The following INSL6 variants were observed in gnomAD, a reference collection of about 807,000 sequenced individuals.
INSL6 encodes the protein insulin like 6, also known as insulin-like peptide INSL6.
Under a neutral mutation model 9.4 loss-of-function variants are expected in INSL6, and 16 were observed. That is an observed-to-expected ratio of 1.70 (90% CI 1.15 to 2.59). The LOEUF is 2.59. Ranked by LOEUF, INSL6 falls within the 30% of genes most tolerant of loss-of-function variation. The pLI, the probability that INSL6 is intolerant of heterozygous loss-of-function variation, is 0.00. For missense variants in INSL6, 391 were observed against 257.3 expected (o/e 1.52, Z -3.56); for synonymous variants, 154 against 96.9 (o/e 1.59, Z -3.46).
chr9:5,030,104 C>G, the INSL6 span, among the ~76,000 whole-genome samples: 4 of 152,114 alleles, frequency 2.6e-5, no homozygotes, highest in African/African-American at 9.7e-5. Context: ...GTAGAATACT[C>G]TGAGAATAAA....
the INSL6 span, among the ~76,000 whole-genome samples, chr9:5,006,125 A>C: frequency 3.3e-5 from 5 of 152,196 alleles, no homozygotes; most frequent in South Asian, 1.0e-3. Context: ...CCTACCCATG[A>C]GCATGGAATG....
the INSL6 span, among the ~76,000 whole-genome samples, chr9:5,012,799 T>A: frequency 4.2e-4 from 64 of 152,152 alleles, no homozygotes; most frequent in Admixed American, 1.7e-3. Flanking sequence ...TATGATGAGG[T>A]TGGAGAGGTA....
chr9:5,185,421 A>C lies in INSL6; in HGVS notation c.182T>G (p.Phe61Cys), dbSNP rs749369990. 3 of 1,614,138 alleles carry C rather than the reference A, an allele frequency of 1.9e-6. No homozygotes were observed. In the Admixed American group the frequency reaches 5.0e-5, roughly 27 times the overall value. The change falls in exon 1 of 2, where the codon TTC (phenylalanine) becomes TGC (cysteine). Residue 61 changes from phenylalanine (F) to cysteine (C), a missense_variant. Coordinates refer to ENST00000381641, the MANE Select transcript of INSL6 (RefSeq NM_007179.3). Reference protein sequence around the residue: ...SQFRFEEETPFSRLIAQASEK... With the variant: ...SQFRFEEETPCSRLIAQASEK... ...CGAGGCCTGTGCAATCAACCGTGAG[A>C]AAGGGGTTTCCTCCTCGAAACGGAA...
At chr9:5,072,745 G>A in the INSL6 span, 1 of 642,160 alleles carries the variant, frequency 1.6e-6, no homozygotes, top group Non-Finnish European at 2.3e-6. Context: ...ATGTGTCAAG[G>A]ACTTTTCTGA....
At chr9:5,165,480 G>A (rs1825031389) in intron 1 of INSL6, among the ~76,000 whole-genome samples, 1 of 152,080 alleles carries the variant, frequency 6.6e-6, no homozygotes, top group Non-Finnish European at 1.5e-5. Context: ...GATGCACAGT[G>A]GTAGCTCACT....
chr9:5,014,858 CCTGT>C, the INSL6 span, among the ~76,000 whole-genome samples: 1 of 152,168 alleles, frequency 6.6e-6, no homozygotes, highest in Admixed American at 6.5e-5. Flanking sequence ...TAGCTATTCT[CCTGT>C]CTATCTTGCA....
the INSL6 span, among the ~76,000 whole-genome samples, chr9:5,037,285 G>T: frequency 2.8e-3 from 428 of 152,226 alleles, no homozygotes; most frequent in African/African-American, 1.0e-2. Flanking sequence ...CAACCATTGT[G>T]GAAGTCAGTG....
the INSL6 span, among the ~76,000 whole-genome samples, chr9:5,051,545 T>G: frequency 2.0e-5 from 3 of 152,216 alleles, no homozygotes; most frequent in Non-Finnish European, 4.4e-5. Context: ...AGGGTATTCT[T>G]ATACAAATGG....
At chr9:4,995,563 G>C in the INSL6 span, among the ~76,000 whole-genome samples, 1 of 152,306 alleles carries the variant, frequency 6.6e-6, no homozygotes, top group East Asian at 1.9e-4. Context: ...TGTGTATGTA[G>C]TTGGATCTAT....
At chr9:5,128,930 T>C (rs1218271311) in intron 3 of INSL6, among the ~76,000 whole-genome samples, 3 of 152,040 alleles carry the variant, frequency 2.0e-5, no homozygotes, top group Non-Finnish European at 4.4e-5. Context: ...TATTCCAGTA[T>C]ATTAAGTTAT....
At chr9:5,089,710 C>T in the INSL6 span, 3 of 1,520,036 alleles carry the variant, frequency 2.0e-6, no homozygotes, top group Non-Finnish European at 2.6e-6. Flanking sequence ...CCGGTATGAC[C>T]CTCTACAGGA....
the INSL6 span, among the ~76,000 whole-genome samples, chr9:5,106,448 G>A: frequency 6.6e-6 from 1 of 152,206 alleles, no homozygotes; most frequent in Admixed American, 6.5e-5. Context: ...CACTGTTGGT[G>A]GGAGTAGTGT....
At chr9:5,032,529 G>A in the INSL6 span, among the ~76,000 whole-genome samples, 2 of 152,184 alleles carry the variant, frequency 1.3e-5, no homozygotes, top group East Asian at 1.9e-4. Flanking sequence ...ACATGGCCGG[G>A]TACTCCTCTG....
chr9:5,172,204 T>A (rs1348287021), intron 1 of INSL6, among the ~76,000 whole-genome samples: 1 of 152,190 alleles, frequency 6.6e-6, no homozygotes, highest in African/African-American at 2.4e-5. Context: ...GACCATCTGA[T>A]CTTGGACAAA....
chr9:5,074,156 C>A, the INSL6 span, among the ~76,000 whole-genome samples: 1 of 152,002 alleles, frequency 6.6e-6, no homozygotes, highest in Non-Finnish European at 1.5e-5. Flanking sequence ...AAATGATACA[C>A]TTAATTTTTA....
At chr9:5,023,442 C>T in the INSL6 span, among the ~76,000 whole-genome samples, 16 of 152,036 alleles carry the variant, frequency 1.1e-4, no homozygotes, top group Non-Finnish European at 1.6e-4. Context: ...TCGGGGGGAG[C>T]GTGGGACCCA....
chr9:5,059,756 C>G, the INSL6 span, among the ~76,000 whole-genome samples: 58 of 152,098 alleles, frequency 3.8e-4, no homozygotes, highest in Non-Finnish European at 7.4e-4. Flanking sequence ...TGGATGTGTA[C>G]TGGTAGCTAT....
the INSL6 span, among the ~76,000 whole-genome samples, chr9:5,088,940 G>C: frequency 1.3e-5 from 2 of 152,166 alleles, no homozygotes; most frequent in African/African-American, 4.8e-5. Flanking sequence ...TTTTGGGTAA[G>C]GGGTCACTGA....
chr9:5,002,295 C>G, the INSL6 span, among the ~76,000 whole-genome samples: 30 of 151,988 alleles, frequency 2.0e-4, no homozygotes, highest in Non-Finnish European at 3.7e-4. Context: ...TACATTCTCT[C>G]TAACCACTAT....
Sources: gnomAD v4.1 joint callset for allele counts (sites outside exome capture counted in the v4.1 genomes callset) on GRCh38, gnomAD v4.1.1 for gene constraint, MANE v1.5 for transcripts, NCBI Gene and HGNC (gene_info 2026-07-23, HGNC 2026-07-21) for gene names.